Variants in FOXN2 observed in about 807,000 individuals in gnomAD.
The protein encoded by FOXN2 is forkhead box N2.
A neutral mutation model predicts 41.2 loss-of-function variants in FOXN2; 19 were observed. That is an observed-to-expected ratio of 0.46 (90% CI 0.32 to 0.68). The LOEUF is 0.68. Among genes scored for constraint, FOXN2 ranks in the 30% least tolerant of loss-of-function variants. The pLI, the probability that FOXN2 is intolerant of heterozygous loss-of-function variation, is 0.03. For missense variants in FOXN2, 587 were observed against 509.4 expected (o/e 1.15, Z -1.47); for synonymous variants, 195 against 176.8 (o/e 1.10, Z -0.82).
intron 2 of FOXN2, among the ~76,000 whole-genome samples, chr2:48,336,111 CTT>C (rs917729109): frequency 2.0e-5 from 3 of 146,738 alleles, no homozygotes; most frequent in East Asian, 2.1e-4. Flanking sequence ...ATTTAAAGGA[CTT>C]TTTATTGTTG....
intron 3 of FOXN2, among the ~76,000 whole-genome samples, chr2:48,347,426 C>A (rs536822717): frequency 1.5e-3 from 229 of 151,654 alleles, no homozygotes; most frequent in African/African-American, 5.3e-3. Flanking sequence ...TGGGGTTTTG[C>A]CATGTTGTCC....
At chr2:48,327,532 C>T (rs1669754759) in intron 1 of FOXN2, among the ~76,000 whole-genome samples, 1 of 151,990 alleles carries the variant, frequency 6.6e-6, no homozygotes, top group African/African-American at 2.4e-5. Flanking sequence ...TGCAAACTCT[C>T]CCTCCTGGGT....
intron 3 of FOXN2, among the ~76,000 whole-genome samples, chr2:48,356,508 A>G (rs991390191): frequency 1.3e-5 from 2 of 152,200 alleles, no homozygotes; most frequent in African/African-American, 4.8e-5. Flanking sequence ...CATCTTAAAC[A>G]TTATTACTAT....
intron 2 of FOXN2, among the ~76,000 whole-genome samples, chr2:48,343,218 T>TA (rs1242770039): frequency 6.6e-6 from 1 of 152,252 alleles, no homozygotes; most frequent in Non-Finnish European, 1.5e-5. Flanking sequence ...GGAAATGGCT[T>TA]ACTTCATTTC....
At chr2:48,314,624 A>C (rs1572679588), upstream of FOXN2, 1 of 151,868 alleles carries the variant, frequency 6.6e-6, no homozygotes, top group East Asian at 1.9e-4. Flanking sequence ...GGCAGCGGGG[A>C]AGGGGAGGGA....
intron 1 of FOXN2, among the ~76,000 whole-genome samples, chr2:48,316,173 C>T (rs1032305829): frequency 2.0e-5 from 3 of 152,114 alleles, no homozygotes; most frequent in African/African-American, 7.2e-5. Context: ...GTACCTGTTC[C>T]ATCCGAATCT....
intron 5 of FOXN2, among the ~76,000 whole-genome samples, chr2:48,370,230 A>G (rs1050246438): frequency 2.6e-5 from 4 of 152,118 alleles, no homozygotes; most frequent in Admixed American, 6.6e-5. Context: ...TCACACAGAG[A>G]CACAATATGG....
chr2:48,323,582 T>C (rs1669477861), intron 1 of FOXN2, among the ~76,000 whole-genome samples: 1 of 152,174 alleles, frequency 6.6e-6, no homozygotes, highest in African/African-American at 2.4e-5. Flanking sequence ...TAGAGTTGTG[T>C]TTTTCTTGTT....
At chr2:48,316,678 A>T (rs909649934) in intron 1 of FOXN2, among the ~76,000 whole-genome samples, 8 of 152,224 alleles carry the variant, frequency 5.3e-5, no homozygotes, top group African/African-American at 1.9e-4. Flanking sequence ...CAAAGAGTTG[A>T]AGATAAAAAA....
intron 3 of FOXN2, among the ~76,000 whole-genome samples, chr2:48,350,539 T>C (rs540396580): frequency 3.9e-5 from 6 of 152,360 alleles, no homozygotes; most frequent in African/African-American, 1.4e-4. Context: ...TGCTTTGTTT[T>C]AGAGAAGAGT....
At chr2:48,321,120 G>A (rs990921498) in intron 1 of FOXN2, among the ~76,000 whole-genome samples, 1 of 151,982 alleles carries the variant, frequency 6.6e-6, no homozygotes, top group East Asian at 1.9e-4. Flanking sequence ...TACATGTTAT[G>A]GTCTGTAGTA....
At chr2:48,361,327 G>A (rs976704955) in intron 4 of FOXN2, among the ~76,000 whole-genome samples, 3 of 152,018 alleles carry the variant, frequency 2.0e-5, no homozygotes, top group Non-Finnish European at 2.9e-5. Flanking sequence ...TCAGCTGGGT[G>A]TGGTGGCACG....
At chr2:48,316,961 T>C (rs1015117122) in intron 1 of FOXN2, among the ~76,000 whole-genome samples, 2 of 151,930 alleles carry the variant, frequency 1.3e-5, no homozygotes, top group African/African-American at 2.4e-5. Flanking sequence ...AATAAAGATA[T>C]TGAAGTGGTA....
chr2:48,339,933 CTG>C (rs1198852879), intron 2 of FOXN2, among the ~76,000 whole-genome samples: 2 of 152,104 alleles, frequency 1.3e-5, no homozygotes, highest in Admixed American at 1.3e-4. Flanking sequence ...ATACTAGTCT[CTG>C]TAAAAATGAA....
At chr2:48,369,966 C>G (rs1245462589) in intron 5 of FOXN2, among the ~76,000 whole-genome samples, 1 of 151,740 alleles carries the variant, frequency 6.6e-6, no homozygotes, top group Non-Finnish European at 1.5e-5. Context: ...TGTCACTACA[C>G]TCCAGCCTGA....
chr2:48,314,868 C>T (rs1369029809), intron 1 of FOXN2, 54 bp downstream of exon 1: 1 of 151,974 alleles, frequency 6.6e-6, no homozygotes, highest in Non-Finnish European at 1.5e-5. Flanking sequence ...CGCCCCAGCC[C>T]GCGGCGCAGC....
chr2:48,362,837 T>G, intron 5 of FOXN2, 130 bp downstream of exon 5: 1 of 727,736 alleles, frequency 1.4e-6, no homozygotes, highest in East Asian at 2.5e-5. Flanking sequence ...GGTGCCCTGG[T>G]AGCTTGTTGT....
At chr2:48,335,261 G>C (rs1670260837) in intron 2 of FOXN2, among the ~76,000 whole-genome samples, 1 of 152,136 alleles carries the variant, frequency 6.6e-6, no homozygotes, top group Non-Finnish European at 1.5e-5. Context: ...TGTTGAAAAG[G>C]AACCAGAAGT....
chr2:48,318,087 A>G (rs758256663), intron 1 of FOXN2, among the ~76,000 whole-genome samples: 4 of 152,138 alleles, frequency 2.6e-5, no homozygotes, highest in Non-Finnish European at 4.4e-5. Flanking sequence ...TTTATTTTAG[A>G]ATAGTTTTAT....
Sources: allele counts gnomAD v4.1 joint callset (sites outside exome capture counted in the v4.1 genomes callset), GRCh38; gene constraint gnomAD v4.1.1; transcripts MANE v1.5; gene names NCBI Gene and HGNC (gene_info 2026-07-23, HGNC 2026-07-21).